ZFHX3: variants seen among roughly 807,000 people sequenced by gnomAD.
ZFHX3 encodes the protein zinc finger homeobox protein 3.
A neutral mutation model predicts 279.1 loss-of-function variants in ZFHX3; 42 were observed. The observed-to-expected ratio is 0.15, with a 90% confidence interval of 0.12 to 0.19. ZFHX3 has a LOEUF of 0.19. Ranked by LOEUF, ZFHX3 falls within the 10% of genes least tolerant of loss-of-function variation. The pLI is 1.00. For missense variants in ZFHX3, 4,981 were observed against 4,754.0 expected, an observed-to-expected ratio of 1.05 and a Z score of -1.40; for synonymous variants, 2,293 against 1,957.8, an observed-to-expected ratio of 1.17 and a Z score of -4.52.
intron 1 of ZFHX3, among the ~76,000 whole-genome samples, chr16:73,889,142 T>C (rs1214328765): frequency 6.6e-6 from 1 of 152,160 alleles, no homozygotes; most frequent in Non-Finnish European, 1.5e-5. Flanking sequence ...CTTTCTTCTT[T>C]ATTGGCATAG....
chr16:72,800,154 C>A (rs559464450), intron 7 of ZFHX3, 25 bp from the exon 8 acceptor site: 6 of 1,585,496 alleles, frequency 3.8e-6, no homozygotes, highest in Non-Finnish European at 5.2e-6. Flanking sequence ...CAAGGAGAGT[C>A]AAATGGAGAG....
At position 72,958,645 on chromosome 16, in the gene ZFHX3, C is replaced by G; in HGVS notation, c.1501G>C (p.Glu501Gln). 1 of 1,614,096 alleles carries G rather than the reference C, an allele frequency of 6.2e-7. No homozygotes were observed. Among genetic ancestry groups the G allele is most frequent in the Middle Eastern group, 1.7e-4 (1 of 6,010 alleles). ...CKGLFPSELD[E>Q]ELEDRPHEEP... ...TCATGGGGCCTGTCCTCCAGTTCCTCATCCAACTCGCTTGGAAAGAGTCCT... is the reference window on the plus strand; with the variant it reads ...TCATGGGGCCTGTCCTCCAGTTCCTGATCCAACTCGCTTGGAAAGAGTCCT... The change falls in exon 2 of 10, where the codon GAG (glutamate) becomes CAG (glutamine). Residue 501 changes from glutamate to glutamine, a missense_variant. By Grantham distance (29) the Glu-to-Gln change is conservative. Transcript: ENST00000268489.
chr16:73,479,801 G>T (rs1322830809), intron 2 of ZFHX3, among the ~76,000 whole-genome samples: 2 of 152,216 alleles, frequency 1.3e-5, no homozygotes, highest in Non-Finnish European at 2.9e-5. Flanking sequence ...AAAGGTAGGG[G>T]TCACAATGTG....
chr16:73,020,595 G>A (rs1377045606), intron 1 of ZFHX3, among the ~76,000 whole-genome samples: 1 of 152,184 alleles, frequency 6.6e-6, no homozygotes, highest in African/African-American at 2.4e-5. Flanking sequence ...GGCAGTGCTT[G>A]TCGACCATGA....
intron 1 of ZFHX3, among the ~76,000 whole-genome samples, chr16:73,694,308 G>A (rs531749741): frequency 1.9e-4 from 29 of 152,244 alleles, no homozygotes; most frequent in Non-Finnish European, 4.1e-4. Context: ...GGGCAGCAGA[G>A]CGAGGCTATC....
chr16:72,983,772 C>T (rs1483862282), intron 1 of ZFHX3, among the ~76,000 whole-genome samples: 1 of 152,122 alleles, frequency 6.6e-6, no homozygotes, highest in Non-Finnish European at 1.5e-5. Flanking sequence ...ACTCTCCAAC[C>T]ACATGTCAAA....
chr16:73,397,634 G>C (rs1370412659), intron 3 of ZFHX3, among the ~76,000 whole-genome samples: 1 of 152,188 alleles, frequency 6.6e-6, no homozygotes, highest in African/African-American at 2.4e-5. Flanking sequence ...TGGTGGCTTG[G>C]ACCAGGCTAT....
intron 5 of ZFHX3, among the ~76,000 whole-genome samples, chr16:73,247,095 G>C (rs919293439): frequency 1.3e-5 from 2 of 151,966 alleles, no homozygotes; most frequent in Admixed American, 1.3e-4. Context: ...TGTGTGTACT[G>C]CATATATAAT....
intron 1 of ZFHX3, among the ~76,000 whole-genome samples, chr16:73,727,600 C>A (rs1041158252): frequency 1.3e-5 from 2 of 152,120 alleles, no homozygotes; most frequent in Non-Finnish European, 2.9e-5. Flanking sequence ...AGCAAGTATA[C>A]GGGACTCATT....
At chr16:73,785,254 CTT>C (rs1341614446) in intron 1 of ZFHX3, among the ~76,000 whole-genome samples, 3 of 152,104 alleles carry the variant, frequency 2.0e-5, no homozygotes, top group Non-Finnish European at 4.4e-5. Flanking sequence ...TTTGTACCAA[CTT>C]TTTGTTTTTC....
chr16:73,146,947 C>G (rs760909476), intron 5 of ZFHX3, among the ~76,000 whole-genome samples: 1 of 152,170 alleles, frequency 6.6e-6, no homozygotes, highest in Non-Finnish European at 1.5e-5. Flanking sequence ...CGTGAGCCAC[C>G]GTGCCTGGCT....
intron 5 of ZFHX3, among the ~76,000 whole-genome samples, chr16:73,198,401 G>A (rs60489766): frequency 1.4e-5 from 2 of 147,904 alleles, no homozygotes; most frequent in African/African-American, 2.5e-5. Context: ...TTATGAAGAA[G>A]AAAATAAACT....
intron 5 of ZFHX3, among the ~76,000 whole-genome samples, chr16:73,197,813 T>C (rs554799151): frequency 6.6e-6 from 1 of 152,230 alleles, no homozygotes; most frequent in Admixed American, 6.5e-5. Flanking sequence ...TTTCAGTTTA[T>C]GGTTATTACC....
chr16:73,232,781 G>C (rs1165924835), intron 5 of ZFHX3: 1 of 152,238 alleles, frequency 6.6e-6, no homozygotes, highest in Non-Finnish European at 1.5e-5. Context: ...CGGAGGAGGC[G>C]CAGTCGTGCG....
chr16:73,406,729 G>A (rs2017367444), intron 3 of ZFHX3, among the ~76,000 whole-genome samples: 1 of 152,192 alleles, frequency 6.6e-6, no homozygotes, highest in South Asian at 2.1e-4. Flanking sequence ...CAATTTTAGG[G>A]CCGAAGGATG....
chr16:73,615,761 A>T, intron 2 of ZFHX3, among the ~76,000 whole-genome samples: 1 of 152,206 alleles, frequency 6.6e-6, no homozygotes, highest in Middle Eastern at 3.2e-3. Flanking sequence ...ACAGTGATAC[A>T]GAGACAGAAC....
At chr16:73,664,270 G>C (rs2052813381) in intron 2 of ZFHX3, among the ~76,000 whole-genome samples, 1 of 152,130 alleles carries the variant, frequency 6.6e-6, no homozygotes, top group Non-Finnish European at 1.5e-5. Flanking sequence ...AGATGGGCTA[G>C]CACTATTTAG....
intron 3 of ZFHX3, among the ~76,000 whole-genome samples, chr16:72,928,160 GAGA>G (rs1363243932): frequency 0.02 from 1,249 of 61,888 alleles, 263 homozygotes; most frequent in South Asian, 0.049. Context: ...AGGGGGAGGG[GAGA>G]GAGGGAGGGG....
intron 4 of ZFHX3, among the ~76,000 whole-genome samples, chr16:73,306,580 C>G (rs2015185741): frequency 6.6e-6 from 1 of 152,220 alleles, no homozygotes. Flanking sequence ...GCCTTGGCCT[C>G]CGAAAGTGCT....
Sources: allele counts gnomAD v4.1 joint callset (sites outside exome capture counted in the v4.1 genomes callset), GRCh38; gene constraint gnomAD v4.1.1; transcripts MANE v1.5; gene names NCBI Gene and HGNC (gene_info 2026-07-23, HGNC 2026-07-21).